REPS2: variants seen among roughly 807,000 people sequenced by gnomAD.
REPS2 encodes ralBP1-associated Eps domain-containing protein 2.
In REPS2, 23 loss-of-function variants were observed where a neutral mutation model predicts 53.6. That is an observed-to-expected ratio of 0.43 (90% confidence interval 0.31 to 0.61). REPS2 has a LOEUF of 0.61. Ranked by LOEUF, REPS2 falls within the 20% of genes least tolerant of loss-of-function variation. The pLI, the probability that REPS2 is intolerant of heterozygous loss-of-function variation, is 0.11. For missense variants in REPS2, 446 were observed against 534.9 expected (o/e 0.83, Z 1.64); for synonymous variants, 238 against 218.6 (o/e 1.09, Z -0.78).
At chrX:17,158,730 ATG>A in the REPS2 span, among the ~76,000 whole-genome samples, 1 of 112,115 alleles carries the variant, frequency 8.9e-6, no homozygotes, top group Non-Finnish European at 1.9e-5. Flanking sequence ...GTTGGCAACT[ATG>A]TCTAATTTAA....
At chrX:17,050,126 CT>C (rs2061961307) in intron 6 of REPS2, among the ~76,000 whole-genome samples, 1 of 60,623 alleles carries the variant, frequency 1.6e-5, no homozygotes, top group Admixed American at 2.9e-4. Context: ...TTTCTTCTTT[CT>C]TTCTTCCTTT....
intron 14 of REPS2, among the ~76,000 whole-genome samples, chrX:17,121,875 C>T (rs1355352430): frequency 9.0e-6 from 1 of 110,918 alleles, no homozygotes; most frequent in Non-Finnish European, 1.9e-5. Context: ...CTCAGCCTTC[C>T]GAGTAGCTGG....
the REPS2 span, among the ~76,000 whole-genome samples, chrX:17,169,546 G>GT: frequency 9.0e-6 from 1 of 111,575 alleles, no homozygotes; most frequent in Admixed American, 9.5e-5. Flanking sequence ...GCCAGGTGTG[G>GT]TGGTGCATGC....
At chrX:17,153,711 G>A (rs76739801), downstream of REPS2, among the ~76,000 whole-genome samples, 34,185 of 110,154 alleles carry the variant, frequency 0.31, 4,847 homozygotes, top group Middle Eastern at 0.53. Flanking sequence ...GAATAATTTG[G>A]GGAGGCACCT....
intron 10 of REPS2, among the ~76,000 whole-genome samples, chrX:17,068,834 A>G (rs1415807200): frequency 8.9e-6 from 1 of 112,866 alleles, no homozygotes; most frequent in African/African-American, 3.2e-5. Context: ...GCACATTTGC[A>G]TACAGCTCTA....
In REPS2 at chrX:17,138,922, G is replaced by A. The variant is rs1480218582; in HGVS notation, c.1875G>A (p.Val625=). ...GCAAAAATAAAGAGGCAAACGCAGT[G>A]CTGGCTCGGCTGAACAGTGAGCTCC... ...AIRKNKEANA[V]LARLNSELQQ... Residue 625 remains valine, a synonymous_variant, in exon 17 of 18, where the codon GTG becomes GTA. Coordinates refer to ENST00000357277, the MANE Select transcript of REPS2 (RefSeq NM_004726.3). 6.7e-6 allele frequency: 8 copies of A among 1,199,947 alleles called. No individual in the cohort carries two copies. The highest frequency in any genetic ancestry group is 9.0e-6 in the Non-Finnish European group (8 of 890,326).
intron 1 of REPS2, among the ~76,000 whole-genome samples, chrX:16,990,592 A>T (rs1281899909): frequency 9.3e-6 from 1 of 106,990 alleles, no homozygotes; most frequent in Non-Finnish European, 1.9e-5. Context: ...CCTGGGCAAC[A>T]GAGCAAGACT....
chrX:17,112,719 G>A (rs778832711), intron 14 of REPS2, among the ~76,000 whole-genome samples: 21 of 110,929 alleles, frequency 1.9e-4, no homozygotes, highest in African/African-American at 5.9e-4. Flanking sequence ...AGTACTCGGC[G>A]GGAAAGTTTT....
chrX:17,079,924 A>G (rs1375473407), intron 13 of REPS2, among the ~76,000 whole-genome samples: 1 of 112,446 alleles, frequency 8.9e-6, no homozygotes, highest in Non-Finnish European at 1.9e-5. Flanking sequence ...GCTAGAAATT[A>G]TCGAAATGCT....
rs188413177 is a variant in REPS2, at chrX:17,056,584, A to G, written c.1114+1634A>G. On this transcript the variant is annotated intron_variant, in intron 8 of 17. Transcript: ENST00000357277. ...GTGGCGGGTGCCTGTAGTCCCAGCT[A>G]CTTTGGAGGCTGAGGCAGGAGAATG... Among the ~76,000 whole-genome samples, 607 of 110,566 alleles carry G rather than the reference A, an allele frequency of 5.5e-3. 1 individual carries two copies. The highest frequency in any genetic ancestry group is 8.4e-3 in the Non-Finnish European group (444 of 52,804).
rs2063352442 is a variant in REPS2, at chrX:17,135,383, G to T, written c.1785G>T (p.Met595Ile). 1 of 1,210,601 alleles carries T rather than the reference G, an allele frequency of 8.3e-7. No individual in the cohort carries two copies. The highest frequency in any genetic ancestry group is 1.1e-6 in the Non-Finnish European group (1 of 895,243). Residue 595 changes from methionine (M) to isoleucine (I), a missense_variant, in exon 16 of 18, where the codon ATG becomes ATT. By Grantham distance (10) the Met-to-Ile change is conservative (BLOSUM62 1). Transcript: ENST00000357277. ...GTGGGCCAGCTTCTGCGGCAACCAT[G>T]AAACCGCATCCAACAGTCCAAAAGT... Reference protein sequence around the residue: ...AASGPASAATMKPHPTVQKQS... With the variant: ...AASGPASAATIKPHPTVQKQS...
At chrX:17,012,336 G>A (rs760630564) in intron 2 of REPS2, among the ~76,000 whole-genome samples, 1 of 110,277 alleles carries the variant, frequency 9.1e-6, no homozygotes, top group African/African-American at 3.3e-5. Flanking sequence ...CCAAGATCAC[G>A]CCATTGCACT....
intron 5 of REPS2, among the ~76,000 whole-genome samples, chrX:17,035,261 A>T (rs1433188585): frequency 2.8e-5 from 3 of 108,936 alleles, no homozygotes; most frequent in African/African-American, 1.0e-4. Flanking sequence ...GCACCGAGAG[A>T]TCTTCTTGTG....
intron 14 of REPS2, among the ~76,000 whole-genome samples, chrX:17,106,183 C>G (rs1290457027): frequency 9.0e-6 from 1 of 110,987 alleles, no homozygotes; most frequent in African/African-American, 3.3e-5. Context: ...TCCTTTACAC[C>G]AAGAATAGGC....
chrX:17,131,490 A>G (rs1428192135), intron 14 of REPS2, among the ~76,000 whole-genome samples: 2 of 111,820 alleles, frequency 1.8e-5, no homozygotes, highest in Admixed American at 9.4e-5. Flanking sequence ...ATACTAAGTC[A>G]GTTTGTTGTG....
chrX:17,135,053 A>C (rs1206731656), intron 15 of REPS2, among the ~76,000 whole-genome samples: 2 of 109,870 alleles, frequency 1.8e-5, no homozygotes, highest in African/African-American at 6.6e-5. Flanking sequence ...AGACTTCTTG[A>C]AACATTTAAA....
intron 2 of REPS2, among the ~76,000 whole-genome samples, chrX:17,021,672 A>G (rs1036231206): frequency 8.9e-6 from 1 of 112,380 alleles, no homozygotes; most frequent in Non-Finnish European, 1.9e-5. Flanking sequence ...TACTTTTGCA[A>G]TGAGGGGGTG....
At chrX:17,079,733 T>G (rs1421688897) in intron 13 of REPS2, among the ~76,000 whole-genome samples, 10 of 112,288 alleles carry the variant, frequency 8.9e-5, no homozygotes, top group Non-Finnish European at 1.9e-4. Context: ...CAGTACAAAT[T>G]TATACAGATG....
chrX:17,019,978 G>C (rs1020192671), intron 2 of REPS2, among the ~76,000 whole-genome samples: 1 of 112,296 alleles, frequency 8.9e-6, no homozygotes, highest in Non-Finnish European at 1.9e-5. Context: ...CTTCTGTTAA[G>C]TGAGAGTTGC....
Sources: gnomAD v4.1 joint callset for allele counts (sites outside exome capture counted in the v4.1 genomes callset) on GRCh38, gnomAD v4.1.1 for gene constraint, MANE v1.5 for transcripts, NCBI Gene and HGNC (gene_info 2026-07-23, HGNC 2026-07-21) for gene names.